SORCS1: variants seen among roughly 807,000 people sequenced by gnomAD.
SORCS1 encodes the protein sortilin related VPS10 domain containing receptor 1.
A neutral mutation model predicts 146.1 loss-of-function variants in SORCS1; 60 were observed. That is an observed-to-expected ratio of 0.41 (90% CI 0.33 to 0.51). The LOEUF is 0.51. SORCS1 is among the 20% of genes least tolerant of loss of function. SORCS1 has a pLI of 0.21. For missense variants in SORCS1, 1,352 were observed against 1,487.6 expected, an observed-to-expected ratio of 0.91 and a Z score of 1.50; for synonymous variants, 637 against 584.0, an observed-to-expected ratio of 1.09 and a Z score of -1.31.
chr10:106,791,479 A>C (rs1946318657), intron 3 of SORCS1, among the ~76,000 whole-genome samples: 1 of 152,160 alleles, frequency 6.6e-6, no homozygotes, highest in South Asian at 2.1e-4. Context: ...GGGCAGATGG[A>C]TCATGAGGTC....
chr10:106,819,137 T>G (rs1947888812), intron 3 of SORCS1, among the ~76,000 whole-genome samples: 2 of 152,214 alleles, frequency 1.3e-5, no homozygotes, highest in Admixed American at 6.5e-5. Flanking sequence ...ACAATGAGAC[T>G]AACATTTGTT....
intron 2 of SORCS1, among the ~76,000 whole-genome samples, chr10:106,922,891 CTTT>C (rs55880802): frequency 3.6e-4 from 41 of 112,420 alleles, no homozygotes; most frequent in Non-Finnish European, 4.1e-4. Context: ...GCAGCCTTTT[CTTT>C]TTTTTTTTTT....
rs769581329 is a variant in SORCS1 at position 106,577,428 on chromosome 10, C to A, written c.3499G>T (p.Ala1167Ser). Reference protein sequence around the residue: ...PKRGSAGAQYAI With the variant: ...PKRGSAGAQYSI ...GCCTTTGGGGGTTTTCCTTAAATTG[C>A]ATACTGTGCCCCAGCAGATCCCCGC... Residue 1167 changes from alanine to serine, a missense_variant, in exon 26 of 26, where the codon GCA becomes TCA. Physicochemically the swap from Ala to Ser is moderately conservative, Grantham distance 99. Coordinates refer to ENST00000263054, the MANE Select transcript of SORCS1 (RefSeq NM_052918.5). The A allele has an allele frequency of 1.2e-6, 2 of 1,604,164 alleles. No individual in the cohort carries two copies. Among genetic ancestry groups the A allele is most frequent in the East Asian group, 4.5e-5 (2 of 44,210 alleles).
intron 1 of SORCS1, among the ~76,000 whole-genome samples, chr10:107,038,994 T>C (rs1959040889): frequency 6.6e-6 from 1 of 152,090 alleles, no homozygotes; most frequent in African/African-American, 2.4e-5. Flanking sequence ...CTAAGTAATA[T>C]GAAAGTAATC....
At chr10:107,084,371 G>A (rs1416285562) in intron 1 of SORCS1, among the ~76,000 whole-genome samples, 1 of 151,454 alleles carries the variant, frequency 6.6e-6, no homozygotes, top group Non-Finnish European at 1.5e-5. Flanking sequence ...CCAAAGTGCT[G>A]GGATTACCGG....
intron 24 of SORCS1, among the ~76,000 whole-genome samples, chr10:106,593,901 C>T (rs1845757011): frequency 6.6e-6 from 1 of 152,176 alleles, no homozygotes; most frequent in African/African-American, 2.4e-5. Flanking sequence ...GCCCTTCTTC[C>T]CAGGAGTCTT....
chr10:106,607,959 C>T (rs1201626106), intron 22 of SORCS1, among the ~76,000 whole-genome samples: 4 of 152,188 alleles, frequency 2.6e-5, no homozygotes, highest in African/African-American at 4.8e-5. Flanking sequence ...CACTTGGCCA[C>T]ACTGACTCTT....
chr10:106,693,061 T>G (rs376673339), intron 9 of SORCS1, among the ~76,000 whole-genome samples: 1 of 152,212 alleles, frequency 6.6e-6, no homozygotes, highest in African/African-American at 2.4e-5. Flanking sequence ...AAGGTATATA[T>G]GAAACATAAA....
intron 8 of SORCS1, among the ~76,000 whole-genome samples, chr10:106,701,792 T>C (rs1854157806): frequency 6.6e-6 from 1 of 152,230 alleles, no homozygotes; most frequent in Non-Finnish European, 1.5e-5. Context: ...ACTCTGTGTC[T>C]CATAATTTCA....
At chr10:106,656,607 G>A (rs1005976312) in intron 17 of SORCS1, among the ~76,000 whole-genome samples, 3 of 151,288 alleles carry the variant, frequency 2.0e-5, no homozygotes, top group African/African-American at 7.3e-5. Flanking sequence ...AGTAAAACTG[G>A]AAGGAAGCAT....
At chr10:106,988,220 C>A (rs1360090521) in intron 1 of SORCS1, among the ~76,000 whole-genome samples, 1 of 152,218 alleles carries the variant, frequency 6.6e-6, no homozygotes, top group Non-Finnish European at 1.5e-5. Context: ...ATACTCACTT[C>A]CACCTGGGGA....
At chr10:107,008,760 G>A (rs1957559863) in intron 1 of SORCS1, among the ~76,000 whole-genome samples, 1 of 152,188 alleles carries the variant, frequency 6.6e-6, no homozygotes, top group Non-Finnish European at 1.5e-5. Flanking sequence ...CACTTTGGGA[G>A]GCCGAGGCGG....
intron 7 of SORCS1, among the ~76,000 whole-genome samples, chr10:106,707,618 C>G (rs539519293): frequency 6.6e-6 from 1 of 152,238 alleles, no homozygotes; most frequent in Non-Finnish European, 1.5e-5. Flanking sequence ...TCCCCAGGAG[C>G]TGAGACTACA....
At chr10:107,028,514 G>A (rs1167967806) in intron 1 of SORCS1, among the ~76,000 whole-genome samples, 1 of 152,208 alleles carries the variant, frequency 6.6e-6, no homozygotes, top group East Asian at 1.9e-4. Context: ...AACGCTGAGT[G>A]TAAAGTTTCT....
At chr10:106,992,826 C>CTTTTTTTTTTTTTTTTT in intron 1 of SORCS1, among the ~76,000 whole-genome samples, 1 of 57,086 alleles carries the variant, frequency 1.8e-5, no homozygotes, top group Non-Finnish European at 3.0e-5. Context: ...TTCTTTCTTT[C>CTTTTTTTTTTTTTTTTT]TTTTTTTTTT....
At chr10:106,728,622 T>A (rs903928271) in intron 6 of SORCS1, among the ~76,000 whole-genome samples, 4 of 152,182 alleles carry the variant, frequency 2.6e-5, no homozygotes, top group Non-Finnish European at 5.9e-5. Flanking sequence ...ACATGCATAG[T>A]AATGAAAAAT....
chr10:106,833,042 AC>A (rs1282572175), intron 2 of SORCS1, among the ~76,000 whole-genome samples: 1 of 151,888 alleles, frequency 6.6e-6, no homozygotes, highest in Non-Finnish European at 1.5e-5. Flanking sequence ...TGAGTATTAA[AC>A]TCTAATCCCA....
intron 6 of SORCS1, among the ~76,000 whole-genome samples, chr10:106,719,820 A>G (rs1224352580): frequency 6.6e-6 from 1 of 152,172 alleles, no homozygotes; most frequent in Non-Finnish European, 1.5e-5. Context: ...TGTCTCAGAT[A>G]ATGGAATAAA....
intron 1 of SORCS1, among the ~76,000 whole-genome samples, chr10:107,076,753 G>A (rs144077791): frequency 1.3e-5 from 2 of 152,078 alleles, no homozygotes; most frequent in South Asian, 2.1e-4. Flanking sequence ...TGAAGTGGAC[G>A]CTCCTAGGTG....
Sources: allele counts gnomAD v4.1 joint callset (sites outside exome capture counted in the v4.1 genomes callset), GRCh38; gene constraint gnomAD v4.1.1; transcripts MANE v1.5; gene names NCBI Gene and HGNC (gene_info 2026-07-23, HGNC 2026-07-21).